The following CCDC85A variants were observed in gnomAD, a reference collection of about 807,000 sequenced individuals.
CCDC85A encodes the protein coiled-coil domain containing 85A, also known as coiled-coil domain-containing protein 85A.
A neutral mutation model predicts 50.2 loss-of-function variants in CCDC85A; 38 were observed. The ratio of observed to expected loss-of-function variants is 0.76; its 90% CI spans 0.58 to 0.99. The LOEUF (loss-of-function observed/expected upper bound fraction) is 0.99, where lower values mean the gene tolerates loss of function less well. CCDC85A is among the 50% of genes least tolerant of loss of function. CCDC85A has a pLI of 0.00. For missense variants in CCDC85A, 820 were observed against 742.0 expected (o/e 1.11, Z -1.22); for synonymous variants, 366 against 301.4 (o/e 1.21, Z -2.22).
In CCDC85A at chr2:56,384,504, T is replaced by C; in HGVS notation, c.*149T>C. 1.6e-6 allele frequency: 1 copy of C among 612,326 alleles called. No homozygotes were observed. Among genetic ancestry groups the C allele is most frequent in the Non-Finnish European group, 2.9e-6 (1 of 348,416 alleles). 37.9% of individuals were successfully genotyped at this position (612,326 alleles called of 1,614,324 possible). A position where few individuals can be genotyped will look rare whatever the true frequency, so the allele number is the denominator to read the frequency against. On this transcript the variant is annotated 3_prime_UTR_variant, in exon 6 of 6. Transcript: ENST00000407595. ...GCACATATCTCCCCTCTAAAACCTG[T>C]AGTACAACTTCTCCCCTCAAGCTGA...
intron 2 of CCDC85A, among the ~76,000 whole-genome samples, chr2:56,204,909 C>T (rs1231899710): frequency 2.6e-5 from 4 of 152,118 alleles, no homozygotes; most frequent in Non-Finnish European, 4.4e-5. Flanking sequence ...TCTCGGCAAA[C>T]GGGGAGCTAA....
intron 3 of CCDC85A, among the ~76,000 whole-genome samples, chr2:56,360,668 A>C (rs537154742): frequency 6.6e-6 from 1 of 152,258 alleles, no homozygotes; most frequent in African/African-American, 2.4e-5. Flanking sequence ...TTCCTATCAC[A>C]CAGAGACTTT....
At chr2:56,311,368 A>AT (rs1672683642) in intron 2 of CCDC85A, among the ~76,000 whole-genome samples, 1 of 151,784 alleles carries the variant, frequency 6.6e-6, no homozygotes, top group African/African-American at 2.4e-5. Flanking sequence ...CAAACATAGG[A>AT]TTTTGGCTTT....
At chr2:56,237,913 A>G (rs1318292916) in intron 2 of CCDC85A, among the ~76,000 whole-genome samples, 1 of 152,122 alleles carries the variant, frequency 6.6e-6, no homozygotes, top group African/African-American at 2.4e-5. Context: ...TATGCATGAA[A>G]TGTTTCTCTT....
chr2:56,266,291 G>A (rs1670436296), intron 2 of CCDC85A, among the ~76,000 whole-genome samples: 1 of 152,152 alleles, frequency 6.6e-6, no homozygotes, highest in South Asian at 2.1e-4. Context: ...CTGAAAGAAT[G>A]TGGTGTGCTG....
At chr2:56,293,554 G>A (rs149334390) in intron 2 of CCDC85A, among the ~76,000 whole-genome samples, 402 of 152,014 alleles carry the variant, frequency 2.6e-3, no homozygotes, top group Non-Finnish European at 3.6e-3. Context: ...CTACAGAATG[G>A]GAGAAAACGT....
intron 2 of CCDC85A, among the ~76,000 whole-genome samples, chr2:56,325,977 A>T (rs1023684234): frequency 3.9e-5 from 6 of 152,160 alleles, no homozygotes; most frequent in Admixed American, 1.3e-4. Flanking sequence ...CCTTCAACAA[A>T]TGCATCAACT....
intron 2 of CCDC85A, among the ~76,000 whole-genome samples, chr2:56,304,680 G>A (rs1175196481): frequency 6.6e-6 from 1 of 152,042 alleles, no homozygotes; most frequent in Non-Finnish European, 1.5e-5. Context: ...GGGGAATCTG[G>A]GAGATAGATT....
intron 5 of CCDC85A, chr2:56,379,745 T>C (rs753898049): frequency 4.1e-6 from 4 of 971,392 alleles, no homozygotes; most frequent in Non-Finnish European, 3.7e-6. Context: ...TTTCAACAAA[T>C]CCAGGTCTTG....
At chr2:56,371,596 C>T (rs1676076965) in intron 3 of CCDC85A, among the ~76,000 whole-genome samples, 1 of 152,084 alleles carries the variant, frequency 6.6e-6, no homozygotes, top group Non-Finnish European at 1.5e-5. Flanking sequence ...GAGAGGAAAT[C>T]ATGTTCTAAT....
intron 2 of CCDC85A, among the ~76,000 whole-genome samples, chr2:56,197,547 A>G (rs1301565427): frequency 6.6e-6 from 1 of 152,228 alleles, no homozygotes; most frequent in African/African-American, 2.4e-5. Context: ...GGACTTGGGC[A>G]CTTTGCAAAA....
intron 2 of CCDC85A, among the ~76,000 whole-genome samples, chr2:56,290,308 T>C (rs1286536095): frequency 6.6e-6 from 1 of 152,236 alleles, no homozygotes; most frequent in Non-Finnish European, 1.5e-5. Context: ...ATCTCTATTT[T>C]TTTCAGTCTG....
At chr2:56,274,521 T>C (rs1009008703) in intron 2 of CCDC85A, among the ~76,000 whole-genome samples, 15 of 152,212 alleles carry the variant, frequency 9.9e-5, no homozygotes, top group African/African-American at 3.4e-4. Context: ...AACCTCAGTC[T>C]TTGCTCTTAG....
chr2:56,384,516 TC>T lies in CCDC85A; in HGVS notation c.*165del. On this transcript the variant is annotated 3_prime_UTR_variant, in exon 6 of 6. Transcript: ENST00000407595. Reference sequence around the variant, plus strand: ...CCTCTAAAACCTGTAGTACAACTTCTCCCCTCAAGCTGATATTCTGTGTCTC... The same window carrying T: ...CCTCTAAAACCTGTAGTACAACTTCTCCCTCAAGCTGATATTCTGTGTCTC... The T allele has an allele frequency of 1.7e-6, 1 of 587,376 alleles. No individual in the cohort carries two copies. Among genetic ancestry groups the T allele is most frequent in the Non-Finnish European group, 3.0e-6 (1 of 330,438 alleles). The allele number at this position is 587,376 out of a possible 1,614,324, so 36.4% of individuals were successfully genotyped here. A position where few individuals can be genotyped will look rare whatever the true frequency, so the allele number is the denominator to read the frequency against.
intron 3 of CCDC85A, among the ~76,000 whole-genome samples, chr2:56,366,906 T>C (rs553033558): frequency 3.2e-4 from 49 of 152,304 alleles, no homozygotes; most frequent in Non-Finnish European, 6.3e-4. Flanking sequence ...CTCTCTTTTA[T>C]CTTTTTATCT....
At chr2:56,255,556 G>C (rs1172278707) in intron 2 of CCDC85A, among the ~76,000 whole-genome samples, 1 of 152,166 alleles carries the variant, frequency 6.6e-6, no homozygotes, top group Non-Finnish European at 1.5e-5. Flanking sequence ...TAGTGATTGG[G>C]AGTTTTCACA....
At chr2:56,299,120 C>T (rs760036082) in intron 2 of CCDC85A, among the ~76,000 whole-genome samples, 27 of 152,126 alleles carry the variant, frequency 1.8e-4, no homozygotes, top group Non-Finnish European at 2.5e-4. Flanking sequence ...CTGATACCTC[C>T]GCTGTTTCTC....
intron 2 of CCDC85A, among the ~76,000 whole-genome samples, chr2:56,224,878 T>G (rs1023930001): frequency 6.6e-6 from 1 of 152,184 alleles, no homozygotes; most frequent in Non-Finnish European, 1.5e-5. Flanking sequence ...AATAGTTGTT[T>G]CTCATTCTGT....
intron 2 of CCDC85A, among the ~76,000 whole-genome samples, chr2:56,270,465 T>A (rs551673532): frequency 6.6e-6 from 1 of 152,298 alleles, no homozygotes; most frequent in South Asian, 2.1e-4. Flanking sequence ...ATCTTCACAT[T>A]TTCATTTAAA....
Sources: allele counts gnomAD v4.1 joint callset (sites outside exome capture counted in the v4.1 genomes callset), GRCh38; gene constraint gnomAD v4.1.1; transcripts MANE v1.5; gene names NCBI Gene and HGNC (gene_info 2026-07-23, HGNC 2026-07-21).